Variants in B3GALT1 observed in about 807,000 individuals in gnomAD.
B3GALT1 encodes the protein beta-1,3-galactosyltransferase 1.
Under a neutral mutation model 23.2 loss-of-function variants are expected in B3GALT1, and 10 were observed. The ratio of observed to expected loss-of-function variants is 0.43; its 90% confidence interval spans 0.27 to 0.73. The LOEUF (loss-of-function observed/expected upper bound fraction) is 0.73, where lower values mean the gene tolerates loss of function less well. Among genes scored for constraint, B3GALT1 ranks in the 30% least tolerant of loss-of-function variants. B3GALT1 has a pLI of 0.21. For synonymous variants in B3GALT1, 156 were observed against 141.5 expected, an observed-to-expected ratio of 1.10 and a Z score of -0.73; for missense variants, 299 against 405.4, an observed-to-expected ratio of 0.74 and a Z score of 2.25.
intron 3 of B3GALT1, among the ~76,000 whole-genome samples, chr2:167,712,887 A>G (rs895389480): frequency 3.9e-5 from 6 of 152,320 alleles, no homozygotes; most frequent in African/African-American, 1.4e-4. Context: ...TCAATGTTAA[A>G]TTTATTTAAA....
chr2:167,344,966 T>A (rs976088851), intron 1 of B3GALT1, among the ~76,000 whole-genome samples: 6 of 152,206 alleles, frequency 3.9e-5, no homozygotes, highest in African/African-American at 1.4e-4. Context: ...TAGTTCTCAT[T>A]TGGAGCTGTC....
intron 2 of B3GALT1, among the ~76,000 whole-genome samples, chr2:167,578,845 T>TA (rs780533711): frequency 3.0e-4 from 45 of 152,012 alleles, no homozygotes; most frequent in Non-Finnish European, 5.6e-4. Context: ...TACCAAGAGT[T>TA]ATGGGGATAT....
At chr2:167,401,206 A>G (rs1411823971) in intron 1 of B3GALT1, among the ~76,000 whole-genome samples, 1 of 152,170 alleles carries the variant, frequency 6.6e-6, no homozygotes, top group Non-Finnish European at 1.5e-5. Flanking sequence ...TTGATCACAG[A>G]TAGAATAAAA....
At chr2:167,788,774 C>G (rs75697425) in intron 3 of B3GALT1, among the ~76,000 whole-genome samples, 2 of 152,046 alleles carry the variant, frequency 1.3e-5, no homozygotes, top group Admixed American at 1.3e-4. Context: ...TGAGACCCTT[C>G]TAATGTCCCA....
chr2:167,716,117 G>C, intron 3 of B3GALT1: 2 of 1,483,320 alleles, frequency 1.3e-6, no homozygotes, highest in Admixed American at 1.9e-5. Flanking sequence ...CACAACAAGC[G>C]GTGGAGAACA....
At chr2:167,677,187 T>A (rs1374167759) in intron 3 of B3GALT1, among the ~76,000 whole-genome samples, 1 of 152,162 alleles carries the variant, frequency 6.6e-6, no homozygotes, top group East Asian at 1.9e-4. Context: ...AGCAGTGTAT[T>A]CAGAATTTTT....
Position 167,730,174 on chromosome 2 carries a change from C to T in B3GALT1, c.-352+83208C>T, listed in dbSNP as rs575222404. 1.1e-3 allele frequency among the ~76,000 whole-genome samples: 161 copies of T among 152,324 alleles called. 1 individual carries two copies. The Middle Eastern group carries it at 0.014, about 13-fold the overall frequency. ...GGCTTACTATATCCGCCGGGGCGCT[C>T]ATCCACAATGTTGCTCTCTAGGCTT... On this transcript the variant is annotated intron_variant, in intron 3 of 4. Coordinates refer to ENST00000392690, the MANE Select transcript of B3GALT1 (RefSeq NM_020981.4).
intron 2 of B3GALT1, among the ~76,000 whole-genome samples, chr2:167,496,841 T>C (rs1218500568): frequency 2.0e-5 from 3 of 152,116 alleles, no homozygotes; most frequent in African/African-American, 7.2e-5. Flanking sequence ...GATGAAACAT[T>C]GACACTCTGT....
intron 2 of B3GALT1, among the ~76,000 whole-genome samples, chr2:167,560,911 A>G (rs1683971603): frequency 1.3e-5 from 2 of 151,880 alleles, no homozygotes; most frequent in Admixed American, 6.6e-5. Context: ...ACAGAAAGTC[A>G]ACAAGGATAC....
chr2:167,779,032 T>G (rs1688206446), intron 3 of B3GALT1, among the ~76,000 whole-genome samples: 1 of 152,230 alleles, frequency 6.6e-6, no homozygotes, highest in Non-Finnish European at 1.5e-5. Context: ...GCAAATATTT[T>G]GACCACAGAA....
chr2:167,508,781 AAAAAG>A (rs921210547), intron 2 of B3GALT1, among the ~76,000 whole-genome samples: 3 of 150,722 alleles, frequency 2.0e-5, no homozygotes, highest in African/African-American at 7.5e-5. Flanking sequence ...TTCATAAAAA[AAAAAG>A]AAAGGAAAAG....
intron 1 of B3GALT1, among the ~76,000 whole-genome samples, chr2:167,444,407 T>C (rs1019816380): frequency 6.6e-6 from 1 of 152,218 alleles, no homozygotes; most frequent in African/African-American, 2.4e-5. Flanking sequence ...AGATTCCCTT[T>C]TTTTCTATCG....
chr2:167,692,285 C>T (rs2105502294), intron 3 of B3GALT1, among the ~76,000 whole-genome samples: 1 of 152,280 alleles, frequency 6.6e-6, no homozygotes, highest in South Asian at 2.1e-4. Flanking sequence ...TCCTACCCAT[C>T]TCTTGCCTCT....
In B3GALT1 at chr2:167,495,788, G is replaced by A. The variant is rs372496260; in HGVS notation, c.-410+5511G>A. Among the ~76,000 whole-genome samples the A allele has an allele frequency of 2.0e-5, 3 of 152,130 alleles. No homozygotes were observed. In the East Asian group the frequency reaches 5.8e-4, roughly 29 times the overall value. ...GGTGCTTAGAATTTTGGGATGGGAAGGCCTATGTAATCCATAAATCAATGT... is the reference window on the plus strand; with the variant it reads ...GGTGCTTAGAATTTTGGGATGGGAAAGCCTATGTAATCCATAAATCAATGT... On this transcript the variant is annotated intron_variant, in intron 2 of 4. Coordinates refer to ENST00000392690, the MANE Select transcript of B3GALT1 (RefSeq NM_020981.4).
chr2:167,399,303 T>C (rs757673623), intron 1 of B3GALT1, among the ~76,000 whole-genome samples: 6 of 152,186 alleles, frequency 3.9e-5, no homozygotes, highest in South Asian at 2.1e-4. Context: ...CACTGTGTTA[T>C]GTTTCTTAGA....
chr2:167,564,221 G>A (rs1253675459), intron 2 of B3GALT1, among the ~76,000 whole-genome samples: 2 of 151,450 alleles, frequency 1.3e-5, no homozygotes, highest in Non-Finnish European at 3.0e-5. Context: ...TCACATCCCG[G>A]ACGGGGCGGC....
At chr2:167,625,662 T>G (rs1027202118) in intron 2 of B3GALT1, among the ~76,000 whole-genome samples, 4 of 151,716 alleles carry the variant, frequency 2.6e-5, no homozygotes, top group African/African-American at 9.7e-5. Context: ...GTGTTACAAT[T>G]AACCGTATGG....
intron 2 of B3GALT1, among the ~76,000 whole-genome samples, chr2:167,590,067 C>T (rs531500016): frequency 1.2e-4 from 19 of 152,210 alleles, no homozygotes; most frequent in Admixed American, 9.2e-4. Flanking sequence ...ATTTAGTGGG[C>T]CAGGCGCGGT....
chr2:167,523,126 T>C lies in B3GALT1; in HGVS notation c.-410+32849T>C, dbSNP rs141700008. 1.5e-3 allele frequency among the ~76,000 whole-genome samples: 221 copies of C among 152,274 alleles called. 1 individual carries two copies. The highest frequency in any genetic ancestry group is 5.2e-3 in the African/African-American group (216 of 41,560). On this transcript the variant is annotated intron_variant, in intron 2 of 4. Coordinates refer to ENST00000392690, the MANE Select transcript of B3GALT1 (RefSeq NM_020981.4). ...TCCACACCTCTTCTGTTTTTTCTTA[T>C]CTTTAATTCTAGTCTCGATTTTATT...
Sources: allele counts gnomAD v4.1 joint callset (sites outside exome capture counted in the v4.1 genomes callset), GRCh38; gene constraint gnomAD v4.1.1; transcripts MANE v1.5; gene names NCBI Gene and HGNC (gene_info 2026-07-23, HGNC 2026-07-21).